Variants in CLSTN1 observed in about 807,000 individuals in gnomAD.
The protein encoded by CLSTN1 is calsyntenin-1.
CLSTN1 carries 28 observed loss-of-function variants against 108.3 expected under a neutral mutation model. That is an observed-to-expected ratio of 0.26 (90% CI 0.19 to 0.35). The LOEUF (loss-of-function observed/expected upper bound fraction) is 0.35. Ranked by LOEUF, CLSTN1 falls within the 10% of genes least tolerant of loss-of-function variation. The probability of loss-of-function intolerance (pLI) is 1.00; values close to 1 mark genes in which losing one functional copy is unlikely to be tolerated. For missense variants in CLSTN1, 1,157 were observed against 1,302.6 expected (o/e 0.89, Z 1.72); for synonymous variants, 524 against 534.9 (o/e 0.98, Z 0.28).
At chr1:9,799,143 T>C (rs1332127758) in intron 1 of CLSTN1, among the ~76,000 whole-genome samples, 1 of 152,072 alleles carries the variant, frequency 6.6e-6, no homozygotes, top group Admixed American at 6.6e-5. Context: ...ATCGTGCCAC[T>C]GAACTCCAGC....
intron 1 of CLSTN1, among the ~76,000 whole-genome samples, chr1:9,802,912 G>A (rs926706479): frequency 6.8e-6 from 1 of 146,758 alleles, no homozygotes; most frequent in African/African-American, 2.5e-5. Context: ...GCAGCCTCAA[G>A]CTCCAGGGCT....
chr1:9,735,689 A>G (rs967090900), intron 12 of CLSTN1, 74 bp from the exon 13 acceptor site: 1 of 1,587,980 alleles, frequency 6.3e-7, no homozygotes, highest in African/African-American at 1.3e-5. Flanking sequence ...AGATGCCTCC[A>G]CAAAGGGGAC....
At chr1:9,786,497 G>A (rs985346265) in intron 1 of CLSTN1, among the ~76,000 whole-genome samples, 2 of 151,880 alleles carry the variant, frequency 1.3e-5, no homozygotes, top group African/African-American at 4.8e-5. Flanking sequence ...CTAAAAATTA[G>A]CCAGGTGTGG....
intron 1 of CLSTN1, among the ~76,000 whole-genome samples, chr1:9,816,820 A>G (rs368780081): frequency 1.8e-3 from 277 of 152,150 alleles, no homozygotes; most frequent in African/African-American, 6.4e-3. Flanking sequence ...CTAATTTTGT[A>G]TTTTTTAGTA....
intron 1 of CLSTN1, among the ~76,000 whole-genome samples, chr1:9,807,986 C>A (rs1654577967): frequency 6.6e-6 from 1 of 152,224 alleles, no homozygotes; most frequent in Admixed American, 6.5e-5. Flanking sequence ...GTGGCTGCTG[C>A]CCCCACAGAA....
chr1:9,749,717 T>A lies in CLSTN1; in HGVS notation c.799+47A>T, dbSNP rs1651461057. On this transcript the variant is annotated intron_variant, in intron 6 of 18. Coordinates refer to ENST00000377298, the MANE Select transcript of CLSTN1 (RefSeq NM_001009566.3). ...ACACTCTAGGTTGCTGCCGCATACA[T>A]CAGTTTTAAGAGCAGATGTGAGCGC... The A allele has an allele frequency of 3.1e-6, 5 of 1,611,716 alleles. No homozygotes were observed. In the East Asian group the frequency reaches 8.9e-5, roughly 29 times the overall value.
intron 1 of CLSTN1, among the ~76,000 whole-genome samples, chr1:9,814,839 G>A (rs1053168678): frequency 2.0e-5 from 3 of 151,976 alleles, no homozygotes; most frequent in African/African-American, 7.3e-5. Flanking sequence ...GGTTGAGGCT[G>A]CAGTGAGCTG....
At chr1:9,749,395 C>T (rs1461073854) in intron 7 of CLSTN1, 66 bp downstream of exon 7, 2 of 1,368,858 alleles carry the variant, frequency 1.5e-6, no homozygotes, top group East Asian at 2.3e-5. Context: ...CAAGTATTTC[C>T]AGTTGTAAAG....
chr1:9,795,227 C>T (rs1653936768), intron 1 of CLSTN1, among the ~76,000 whole-genome samples: 1 of 150,272 alleles, frequency 6.7e-6, no homozygotes, highest in Non-Finnish European at 1.5e-5. Flanking sequence ...GTACAGTGGC[C>T]CGATCTCGGC....
chr1:9,820,376 C>A (rs2101356706), intron 1 of CLSTN1, among the ~76,000 whole-genome samples: 1 of 152,024 alleles, frequency 6.6e-6, no homozygotes, highest in East Asian at 1.9e-4. Context: ...AAAATGAGCC[C>A]AGTGTGATGG....
In CLSTN1 at chr1:9,737,531, T is replaced by C; in HGVS notation, c.1543A>G (p.Asn515Asp). 1 of 1,614,088 alleles carries C rather than the reference T, an allele frequency of 6.2e-7. No individual in the cohort carries two copies. Among genetic ancestry groups the C allele is most frequent in the Non-Finnish European group, 8.5e-7 (1 of 1,179,986 alleles). ...WQEFSGVEND[N>D]ETEPVTVASA... ...GCCACAGTCACAGGCTCAGTTTCAT[T>C]GTCATTTTCAACTCCTGAAAACTCT... Residue 515 changes from asparagine (N) to aspartate (D), a missense_variant, in exon 11 of 19, where the codon AAT (asparagine) becomes GAT (aspartate). Coordinates refer to ENST00000377298, the MANE Select transcript of CLSTN1 (RefSeq NM_001009566.3).
At chr1:9,786,831 GT>G (rs1357526629) in intron 1 of CLSTN1, among the ~76,000 whole-genome samples, 1 of 151,260 alleles carries the variant, frequency 6.6e-6, no homozygotes, top group East Asian at 2.0e-4. Context: ...GGCTCCTCGT[GT>G]TGGGGAGCGC....
At chr1:9,773,188 G>T in intron 2 of CLSTN1, 84 bp downstream of exon 2, 3 of 1,562,134 alleles carry the variant, frequency 1.9e-6, no homozygotes, top group Non-Finnish European at 2.6e-6. Flanking sequence ...TTTCAGAAAC[G>T]CTCAGCATTA....
chr1:9,802,427 A>C (rs929964117), intron 1 of CLSTN1, among the ~76,000 whole-genome samples: 1 of 152,170 alleles, frequency 6.6e-6, no homozygotes, highest in Non-Finnish European at 1.5e-5. Context: ...AGAGTGTGCA[A>C]ATTTCTGAGA....
In CLSTN1 at chr1:9,744,401, T is replaced by C. The variant is rs760770785; in HGVS notation, c.1228A>G (p.Lys410Glu). 6.2e-7 allele frequency: 1 copy of C among 1,608,862 alleles called. No individual in the cohort carries two copies. The highest frequency in any genetic ancestry group is 1.3e-5 in the African/African-American group (1 of 75,040). ...TGCAGAGCTATTACCCTACCTGTTT[T>C]ATCAGAACTGCAAAGAATTGTCTCC... ...KKETILCSSD[K>E]TDMNRHHYSL... Residue 410 changes from lysine (K) to glutamate (E), a missense_variant, in exon 8 of 19, where the codon AAA becomes GAA. Coordinates refer to ENST00000377298, the MANE Select transcript of CLSTN1 (RefSeq NM_001009566.3).
intron 1 of CLSTN1, among the ~76,000 whole-genome samples, chr1:9,778,279 G>C (rs1234545110): frequency 1.4e-5 from 2 of 147,484 alleles, no homozygotes; most frequent in African/African-American, 5.1e-5. Flanking sequence ...CGCAGACTGT[G>C]AGAAAGTGGC....
At chr1:9,778,272 A>G (rs1653055610) in intron 1 of CLSTN1, among the ~76,000 whole-genome samples, 2 of 150,036 alleles carry the variant, frequency 1.3e-5, no homozygotes, top group Non-Finnish European at 3.0e-5. Flanking sequence ...ACACACACGC[A>G]GACTGTGAGA....
intron 1 of CLSTN1, among the ~76,000 whole-genome samples, chr1:9,802,017 A>C (rs1331593961): frequency 6.6e-6 from 1 of 152,182 alleles, no homozygotes; most frequent in Non-Finnish European, 1.5e-5. Context: ...AAATTGGTTC[A>C]ATCCCCCCAC....
chr1:9,773,136 G>T, intron 2 of CLSTN1, 136 bp downstream of exon 2: 1 of 1,160,442 alleles, frequency 8.6e-7, no homozygotes, highest in Non-Finnish European at 1.2e-6. Context: ...AAAAAAACAT[G>T]CTACAAAGGA....
Sources: allele counts gnomAD v4.1 joint callset (sites outside exome capture counted in the v4.1 genomes callset), GRCh38; gene constraint gnomAD v4.1.1; transcripts MANE v1.5; gene names NCBI Gene and HGNC (gene_info 2026-07-23, HGNC 2026-07-21).